The following KIAA1549 variants were observed in gnomAD, a reference collection of about 807,000 sequenced individuals.
KIAA1549 encodes the protein KIAA1549, also known as UPF0606 protein KIAA1549.
Under a neutral mutation model 156.4 loss-of-function variants are expected in KIAA1549, and 70 were observed. The observed-to-expected ratio is 0.45, with a 90% CI of 0.37 to 0.55. The LOEUF is 0.55. KIAA1549 is among the 20% of genes least tolerant of loss of function. KIAA1549 has a pLI of 0.00. For missense variants in KIAA1549, 2,428 were observed against 2,540.9 expected (o/e 0.96, Z 0.96); for synonymous variants, 1,103 against 1,066.4 (o/e 1.03, Z -0.67).
chr7:138,895,555 C>T (rs1451865215), intron 9 of KIAA1549, among the ~76,000 whole-genome samples: 1 of 151,956 alleles, frequency 6.6e-6, no homozygotes, highest in Admixed American at 6.5e-5. Flanking sequence ...ATTCTACCTA[C>T]ATGAGGTATC....
At chr7:138,950,936 T>C (rs1311342193) in intron 1 of KIAA1549, among the ~76,000 whole-genome samples, 1 of 151,814 alleles carries the variant, frequency 6.6e-6, no homozygotes, top group East Asian at 1.9e-4. Context: ...TCACATGAGG[T>C]CCCCGACCAC....
intron 1 of KIAA1549, among the ~76,000 whole-genome samples, chr7:138,919,961 A>T (rs1812512318): frequency 6.6e-6 from 1 of 152,202 alleles, no homozygotes; most frequent in Admixed American, 6.5e-5. Context: ...CCCAAGTAAG[A>T]GAGTTCCCCA....
intron 7 of KIAA1549, among the ~76,000 whole-genome samples, chr7:138,904,591 C>T (rs1451690101): frequency 6.8e-6 from 1 of 147,982 alleles, no homozygotes; most frequent in Non-Finnish European, 1.5e-5. Context: ...CAATGCCATA[C>T]CTCTAAATAT....
chr7:138,954,159 G>A (rs1813587854), intron 1 of KIAA1549, among the ~76,000 whole-genome samples: 1 of 152,188 alleles, frequency 6.6e-6, no homozygotes, highest in South Asian at 2.1e-4. Flanking sequence ...TACGATGGTA[G>A]ACAGAAATTG....
chr7:138,940,976 T>C (rs929815462), intron 1 of KIAA1549, among the ~76,000 whole-genome samples: 1 of 152,198 alleles, frequency 6.6e-6, no homozygotes, highest in Non-Finnish European at 1.5e-5. Context: ...GCCTGTTCAC[T>C]CTGACGGTAG....
chr7:138,841,047 C>T (rs1809901502), intron 18 of KIAA1549, among the ~76,000 whole-genome samples: 1 of 152,120 alleles, frequency 6.6e-6, no homozygotes, highest in Non-Finnish European at 1.5e-5. Flanking sequence ...CCCTTATTTT[C>T]GTGGCTAGAC....
chr7:138,959,812 G>C (rs1293207122), intron 1 of KIAA1549, among the ~76,000 whole-genome samples: 1 of 152,218 alleles, frequency 6.6e-6, no homozygotes, highest in African/African-American at 2.4e-5. Context: ...GTGAGGATCA[G>C]AGAGCAACTG....
chr7:138,971,350 C>T (rs1461423437), intron 1 of KIAA1549, among the ~76,000 whole-genome samples: 1 of 152,152 alleles, frequency 6.6e-6, no homozygotes, highest in East Asian at 1.9e-4. Context: ...ATCTCTGTCC[C>T]CAGACAAGCC....
In KIAA1549 at chr7:138,832,431, T is replaced by C; in HGVS notation, c.*5475A>G. On this transcript the variant is annotated 3_prime_UTR_variant, in exon 20 of 20. Coordinates refer to ENST00000422774, the MANE Select transcript of KIAA1549 (RefSeq NM_001164665.2). ...CCAAGGTGGTCTCAAACTCCTGGCC[T>C]CAAGCGATCCTCCTGCCTCAGCCTC... 1 of 191,690 alleles carries C rather than the reference T, an allele frequency of 5.2e-6. No homozygotes were observed. Among genetic ancestry groups the C allele is most frequent in the Non-Finnish European group, 1.1e-5 (1 of 91,636 alleles). 11.9% of individuals were successfully genotyped at this position (191,690 alleles called of 1,614,324 possible).
intron 1 of KIAA1549, among the ~76,000 whole-genome samples, chr7:138,928,424 C>T (rs918415417): frequency 6.6e-6 from 1 of 151,398 alleles, no homozygotes; most frequent in Non-Finnish European, 1.5e-5. Flanking sequence ...GTAGCTGAGA[C>T]TATAGGCACG....
At position 138,917,047 on chromosome 7, in the gene KIAA1549, G is replaced by A. The variant is rs2130477229; in HGVS notation, c.2579C>T (p.Pro860Leu). Residue 860 changes from proline (P) to leucine (L), a missense_variant, in exon 2 of 20, where the codon CCC becomes CTC. Coordinates refer to ENST00000422774, the MANE Select transcript of KIAA1549 (RefSeq NM_001164665.2). ...FVSEATPFPL[P>L]TELTVVGPSL... is the part of the protein sequence containing the mutation. ...TGGGCCCACGACGGTCAGCTCTGTG[G>A]GCAGAGGGAAGGGGGTTGCTTCAGA... 1 of 1,607,892 alleles carries A rather than the reference G, an allele frequency of 6.2e-7. No individual in the cohort carries two copies. The highest frequency in any genetic ancestry group is 8.5e-7 in the Non-Finnish European group (1 of 1,177,314).
rs1034811110 is a variant in KIAA1549 at position 138,881,602 on chromosome 7, A to G, written c.4033-18T>C. 3.7e-6 allele frequency: 6 copies of G among 1,601,574 alleles called. No individual in the cohort carries two copies. The highest frequency in any genetic ancestry group is 2.7e-5 in the African/African-American group (2 of 74,652). ...ATCTGCAGCTGAAACATACACACAC[A>G]CAAACAAGATTGTTAACCCGGAATC... On this transcript the variant is annotated intron_variant, in intron 10 of 19. Transcript: ENST00000422774.
In KIAA1549 at chr7:138,860,988, TTAG is replaced by T. The variant is rs1431025936; in HGVS notation, c.5247+148_5247+150del. ...GATACCTCCAACATTAAGAATTAAT[TTAG>T]TAGAAGATAAAAACTAAGACCCATC... On this transcript the variant is annotated intron_variant, in intron 16 of 19. Coordinates refer to ENST00000422774, the MANE Select transcript of KIAA1549 (RefSeq NM_001164665.2). 1.2e-5 allele frequency: 9 copies of T among 746,022 alleles called. No homozygotes were observed. In the East Asian group the frequency reaches 2.4e-4, roughly 20 times the overall value. 46.2% of individuals were successfully genotyped at this position (746,022 alleles called of 1,614,324 possible). A position where few individuals can be genotyped will look rare whatever the true frequency, so the allele number is the denominator to read the frequency against.
chr7:138,843,691 G>A (rs561827548), intron 18 of KIAA1549, among the ~76,000 whole-genome samples: 1 of 152,298 alleles, frequency 6.6e-6, no homozygotes, highest in South Asian at 2.1e-4. Flanking sequence ...CGCATGCCAT[G>A]TAGGGAGGTT....
chr7:138,851,534 A>G (rs1319967179), intron 17 of KIAA1549, among the ~76,000 whole-genome samples: 1 of 117,470 alleles, frequency 8.5e-6, no homozygotes, highest in African/African-American at 3.4e-5. Context: ...AAAAACCTGT[A>G]TTTTCTTTTC....
At chr7:138,932,607 G>A (rs1812902967) in intron 1 of KIAA1549, among the ~76,000 whole-genome samples, 1 of 152,158 alleles carries the variant, frequency 6.6e-6, no homozygotes, top group Non-Finnish European at 1.5e-5. Context: ...CAGGCTAATG[G>A]GGGCAAGAGG....
rs1282761864 is a variant in KIAA1549 at position 138,973,130 on chromosome 7, GTATTTTTACTGACTC to G, written c.187+7938_187+7952del. Among the ~76,000 whole-genome samples, 16 of 152,206 alleles carry G rather than the reference GTATTTTTACTGACTC, an allele frequency of 1.1e-4. 1 individual carries two copies. The highest frequency in any genetic ancestry group is 1.0e-3 in the South Asian group (5 of 4,830). ...AGCCACCGCGCCCAGCCCAGTCACT[GTATTTTTACTGACTC>G]TTGAAGCCTACAAACACAATCAAGT... On this transcript the variant is annotated intron_variant, in intron 1 of 19. Transcript: ENST00000422774.
chr7:138,865,194 ACTCCAGC>A (rs922268615), intron 15 of KIAA1549, among the ~76,000 whole-genome samples: 8 of 151,920 alleles, frequency 5.3e-5, no homozygotes, highest in Admixed American at 5.3e-4. Flanking sequence ...GCACCACTGC[ACTCCAGC>A]CTGGGCAACA....
chr7:138,919,355 G>A lies in KIAA1549; in HGVS notation c.271C>T (p.Gln91Ter). The A allele has an allele frequency of 6.2e-7, 1 of 1,614,064 alleles. No homozygotes were observed. The highest frequency in any genetic ancestry group is 8.5e-7 in the Non-Finnish European group (1 of 1,179,902). ...GGAGCAGTTTCTGTTAAGGCCACTT[G>A]TGCAGCGCTGTGCCCAGTGCTTTTC... ...LKKSTGHSAAQVALTETAPGS... is the reference protein window; with the variant it reads ...LKKSTGHSAA Residue 91 changes from glutamine to a stop codon, truncating the protein, a stop_gained, in exon 2 of 20, where the codon CAA becomes TAA. Transcript: ENST00000422774. LOFTEE classifies it high-confidence loss of function.
Sources: gnomAD v4.1 joint callset for allele counts (sites outside exome capture counted in the v4.1 genomes callset) on GRCh38, gnomAD v4.1.1 for gene constraint, MANE v1.5 for transcripts, NCBI Gene and HGNC (gene_info 2026-07-23, HGNC 2026-07-21) for gene names.